Variants in ABCC8 observed in about 807,000 individuals in gnomAD.
ABCC8 encodes ATP binding cassette subfamily C member 8.
ABCC8 carries 137 observed loss-of-function variants against 188.0 expected under a neutral mutation model. The ratio of observed to expected loss-of-function variants is 0.73; its 90% CI spans 0.63 to 0.84. The LOEUF is 0.84. Among genes scored for constraint, ABCC8 ranks in the 40% least tolerant of loss-of-function variants. The pLI, the probability that ABCC8 is intolerant of heterozygous loss-of-function variation, is 0.00. For synonymous variants in ABCC8, 797 were observed against 846.5 expected (o/e 0.94, Z 1.01); for missense variants, 1,750 against 2,072.7 (o/e 0.84, Z 3.02).
Position 17,404,592 on chromosome 11 carries a change from G to C in ABCC8, c.3477C>G (p.Val1159=), listed in dbSNP as rs1954419646. 1.9e-6 allele frequency: 3 copies of C among 1,613,976 alleles called. No individual in the cohort carries two copies. Among genetic ancestry groups the C allele is most frequent in the South Asian group, 1.1e-5 (1 of 91,074 alleles). The change falls in exon 28 of 39, where the codon GTC becomes GTG. Residue 1159 remains valine, a synonymous_variant. Coordinates refer to ENST00000389817, the MANE Select transcript of ABCC8 (RefSeq NM_000352.6). The surrounding 1 kb of genome is among the most constrained non-coding windows in gnomAD (Gnocchi z 4.7). Reference sequence around the variant, plus strand: ...AGAGGGCCACGAGGAACACAGGTGTGACATAGGAGATGACGGCCAGGGCTG... The same window carrying C: ...AGAGGGCCACGAGGAACACAGGTGTCACATAGGAGATGACGGCCAGGGCTG... ...CVSALAVISY[V]TPVFLVALLP...
chr11:17,452,236 A>G (rs1956843572), intron 7 of ABCC8, among the ~76,000 whole-genome samples: 1 of 152,140 alleles, frequency 6.6e-6, no homozygotes, highest in African/African-American at 2.4e-5. Flanking sequence ...CTTTCCAGAA[A>G]CTCTAAGAAG....
chr11:17,419,402 T>C (rs2133498034), intron 16 of ABCC8, among the ~76,000 whole-genome samples: 1 of 152,238 alleles, frequency 6.6e-6, no homozygotes, highest in South Asian at 2.1e-4. Flanking sequence ...CACACTCTGG[T>C]AGGGCAAATC....
intron 37 of ABCC8, 80 bp from the exon 38 acceptor site, chr11:17,393,839 G>GCCCAC: frequency 6.2e-7 from 1 of 1,613,546 alleles, no homozygotes; most frequent in Non-Finnish European, 8.5e-7. Context: ...GTGGAGCCCA[G>GCCCAC]GTCTGTGGCT....
At chr11:17,467,083 C>CACACACACACAT (rs972553996) in intron 3 of ABCC8, among the ~76,000 whole-genome samples, 1 of 151,470 alleles carries the variant, frequency 6.6e-6, no homozygotes, top group Admixed American at 6.6e-5. Flanking sequence ...CACACACACA[C>CACACACACACAT]ACAACTTCCC....
At position 17,476,754 on chromosome 11, in the gene ABCC8, C is replaced by A. The variant is rs1591935147; in HGVS notation, c.23G>T (p.Ser8Ile). Residue 8 changes from serine (S) to isoleucine (I), a missense_variant, in exon 1 of 39, where the codon AGC becomes ATC. Coordinates refer to ENST00000389817, the MANE Select transcript of ABCC8 (RefSeq NM_000352.6). Reference sequence around the variant, plus strand: ...CCGGTAGGCGGCCGAGTGGTTCTCGCTGCCGCAGAAGGCCAGGGGCATGGC... The same window carrying A: ...CCGGTAGGCGGCCGAGTGGTTCTCGATGCCGCAGAAGGCCAGGGGCATGGC... Reference protein sequence around the residue: MPLAFCGSENHSAAYRVD... With the variant: MPLAFCGIENHSAAYRVD... 6.3e-7 allele frequency: 1 copy of A among 1,590,774 alleles called. No individual in the cohort carries two copies. Among genetic ancestry groups the A allele is most frequent in the Non-Finnish European group, 8.6e-7 (1 of 1,168,856 alleles).
rs1007603197 is a variant in ABCC8, at chr11:17,416,961, G to C, written c.2224C>G (p.Leu742Val). The C allele has an allele frequency of 3.1e-6, 5 of 1,613,496 alleles. No homozygotes were observed. Among genetic ancestry groups the C allele is most frequent in the Non-Finnish European group, 4.2e-6 (5 of 1,179,912 alleles). ...KVSGAVFWSS[L>V]PDSEIGEDPS... ...TCCTCTCCTATCTCGCTGTCAGGAA[G>C]GCTGCTGGGACACAAATGGGACAGA... Residue 742 changes from leucine to valine, a missense_variant and splice_region_variant, in exon 17 of 39, where the codon CTT (leucine) becomes GTT (valine). Leu to Val is a conservative substitution (Grantham distance 32, BLOSUM62 1). Transcript: ENST00000389817.
At chr11:17,464,148 C>T (rs1485495173) in intron 3 of ABCC8, among the ~76,000 whole-genome samples, 2 of 152,202 alleles carry the variant, frequency 1.3e-5, no homozygotes, top group African/African-American at 2.4e-5. Context: ...GTGGAATTTC[C>T]AAGTGAGGGA....
Position 17,404,375 on chromosome 11 carries a change from A to G in ABCC8, c.3557+137T>C. The G allele has an allele frequency of 5.0e-4, 314 of 624,442 alleles. No individual in the cohort carries two copies. The highest frequency in any genetic ancestry group is 7.9e-4 in the Non-Finnish European group (262 of 332,044). 38.7% of individuals were successfully genotyped at this position (624,442 alleles called of 1,614,324 possible). ...GGTGGAATAAGATGTGGATATTTCT[A>G]TTTCCTTCATTTCTGTTTTTTGTTT... is the stretch of plus-strand genomic sequence containing the variant. On this transcript the variant is annotated intron_variant, in intron 28 of 38. Coordinates refer to ENST00000389817, the MANE Select transcript of ABCC8 (RefSeq NM_000352.6). The surrounding 1 kb of genome is among the most constrained non-coding windows in gnomAD (Gnocchi z 4.7).
chr11:17,394,240 G>T, intron 37 of ABCC8, 26 bp downstream of exon 37: 5 of 1,611,030 alleles, frequency 3.1e-6, no homozygotes, highest in Non-Finnish European at 3.4e-6. Flanking sequence ...CAAGACCATG[G>T]TCCCATGGAG....
intron 26 of ABCC8, among the ~76,000 whole-genome samples, chr11:17,406,239 A>C (rs1954513253): frequency 6.6e-6 from 1 of 152,184 alleles, no homozygotes; most frequent in South Asian, 2.1e-4. Flanking sequence ...CTGTTCCCCC[A>C]GTGTCAAAAC....
At chr11:17,475,129 G>C in intron 1 of ABCC8, 102 bp from the exon 2 acceptor site, 1 of 1,527,746 alleles carries the variant, frequency 6.5e-7, no homozygotes. Context: ...CCATGGTGAG[G>C]GTGACACCTA....
chr11:17,418,237 C>A (rs1955174881), intron 16 of ABCC8, among the ~76,000 whole-genome samples: 1 of 152,096 alleles, frequency 6.6e-6, no homozygotes, highest in African/African-American at 2.4e-5. Context: ...TCTTAAATGC[C>A]ATGGTACATT....
intron 2 of ABCC8, 52 bp from the exon 3 acceptor site, chr11:17,470,274 T>C (rs1418791330): frequency 3.7e-6 from 6 of 1,612,098 alleles, no homozygotes; most frequent in Non-Finnish European, 4.2e-6. Context: ...AGTACTGCAA[T>C]AGAGCAGCCC....
chr11:17,455,117 A>G (rs1283598523), intron 6 of ABCC8, among the ~76,000 whole-genome samples: 1 of 152,236 alleles, frequency 6.6e-6, no homozygotes, highest in Non-Finnish European at 1.5e-5. Context: ...CTGTATGAAC[A>G]CAGACATTTA....
chr11:17,458,304 G>A (rs993970065), intron 6 of ABCC8, among the ~76,000 whole-genome samples: 2 of 152,238 alleles, frequency 1.3e-5, no homozygotes, highest in Non-Finnish European at 2.9e-5. Flanking sequence ...GCATTCCAAT[G>A]AGACGGTAAT....
chr11:17,435,968 G>A (rs1231346212), intron 10 of ABCC8: 17 of 1,578,690 alleles, frequency 1.1e-5, no homozygotes, highest in African/African-American at 2.7e-5. Flanking sequence ...CCAGTGCCAC[G>A]GTGGCAGATG....
chr11:17,447,883 T>C (rs558185838), intron 8 of ABCC8, among the ~76,000 whole-genome samples: 127 of 152,312 alleles, frequency 8.3e-4, no homozygotes, highest in African/African-American at 2.9e-3. Context: ...AAAATAAAAA[T>C]CACTTATAAT....
Position 17,427,156 on chromosome 11 carries a change from T to A in ABCC8, c.2117-2A>T, listed in dbSNP as rs1476853180. 1 of 1,612,042 alleles carries A rather than the reference T, an allele frequency of 6.2e-7. No individual in the cohort carries two copies. The highest frequency in any genetic ancestry group is 8.5e-7 in the Non-Finnish European group (1 of 1,178,978). On this transcript the variant is annotated splice_acceptor_variant, in intron 15 of 38. Transcript: ENST00000389817. LOFTEE classifies it high-confidence loss of function. The surrounding 1 kb of genome is among the most constrained non-coding windows in gnomAD (Gnocchi z 5.0). ...GCCCCACGATCATAGTCAGCTGGCC[T>A]GCAGGGAGGGAGGGTGGCAGATGTG... is the stretch of plus-strand genomic sequence containing the variant.
At position 17,400,399 on chromosome 11, in the gene ABCC8, C is replaced by T. The variant is rs557536040; in HGVS notation, c.3651-1958G>A. 3.3e-5 allele frequency among the ~76,000 whole-genome samples: 5 copies of T among 152,106 alleles called. No individual in the cohort carries two copies. The East Asian group carries it at 9.7e-4, about 29-fold the overall frequency. ...TCTCAGGACTGTGTGAGTTGAGGGT[C>T]GGCAAGTGTGAGATGGGAGCTTCTG... On this transcript the variant is annotated intron_variant, in intron 29 of 38. Transcript: ENST00000389817.
Sources: allele counts gnomAD v4.1 joint callset (sites outside exome capture counted in the v4.1 genomes callset), GRCh38; gene constraint gnomAD v4.1.1; non-coding constraint Gnocchi (gnomAD v3.1); transcripts MANE v1.5; gene names NCBI Gene and HGNC (gene_info 2026-07-23, HGNC 2026-07-21).